ABCE1: variants seen among roughly 807,000 people sequenced by gnomAD.
ABCE1 encodes ATP binding cassette subfamily E member 1.
ABCE1 carries 22 observed loss-of-function variants against 83.4 expected under a neutral mutation model. The ratio of observed to expected loss-of-function variants is 0.26; its 90% CI spans 0.19 to 0.38. ABCE1 has a LOEUF of 0.38. ABCE1 is among the 10% of genes least tolerant of loss of function. The probability of loss-of-function intolerance (pLI) is 1.00; values close to 1 mark genes in which losing one functional copy is unlikely to be tolerated. For synonymous variants in ABCE1, 204 were observed against 233.7 expected, an observed-to-expected ratio of 0.87 and a Z score of 1.16; for missense variants, 330 against 721.9, an observed-to-expected ratio of 0.46 and a Z score of 6.22.
Position 145,128,827 on chromosome 4 carries a change from A to G in ABCE1, c.*1254A>G, listed in dbSNP as rs779169568. 14 of 152,220 alleles carry G rather than the reference A, an allele frequency of 9.2e-5. No individual in the cohort carries two copies. Among genetic ancestry groups the G allele is most frequent in the Non-Finnish European group, 1.6e-4 (11 of 68,026 alleles). The allele number at this position is 152,220 out of a possible 1,614,324, so 9.4% of individuals were successfully genotyped here. A position where few individuals can be genotyped will look rare whatever the true frequency, so the allele number is the denominator to read the frequency against. On this transcript the variant is annotated 3_prime_UTR_variant, in exon 18 of 18. Coordinates refer to ENST00000296577, the MANE Select transcript of ABCE1 (RefSeq NM_002940.3). The stretch of plus-strand genomic sequence containing the variant: ...CAGAAGTCTTGATTAATATGCAAAT[A>G]ATGGCTAGAAAGTATGGTTTAACTG...
Position 145,126,901 on chromosome 4 carries a change from A to C in ABCE1, c.1753-625A>C, listed in dbSNP as rs764296230. The stretch of plus-strand genomic sequence containing the variant: ...GTTAAGTTCTCACATAAAATTGAAG[A>C]GTTTTCTCAGTTTTGAAAAGCATAT... On this transcript the variant is annotated intron_variant, in intron 17 of 17. Transcript: ENST00000296577. Among the ~76,000 whole-genome samples the C allele has an allele frequency of 5.3e-5, 8 of 152,258 alleles. No individual in the cohort carries two copies. The East Asian group carries it at 1.5e-3, about 29-fold the overall frequency.
At chr4:145,104,820 ATAT>A (rs1342949215) in intron 2 of ABCE1, among the ~76,000 whole-genome samples, 2 of 151,282 alleles carry the variant, frequency 1.3e-5, no homozygotes, top group East Asian at 1.9e-4. Context: ...AATTACTTTA[ATAT>A]TATATATATA....
intron 1 of ABCE1, among the ~76,000 whole-genome samples, chr4:145,098,720 T>C (rs893418299): frequency 6.6e-6 from 1 of 151,992 alleles, no homozygotes; most frequent in Non-Finnish European, 1.5e-5. Flanking sequence ...TTTACCCCAC[T>C]CCCGCCCTGA....
At position 145,119,940 on chromosome 4, in the gene ABCE1, AT is replaced by A; in HGVS notation, c.938del (p.Leu313TrpfsTer10). On this transcript the variant is annotated frameshift_variant, in exon 11 of 18. Transcript: ENST00000296577. LOFTEE classifies it high-confidence loss of function. ...AATTTTCTTCCCAACAGGCATAAAC[AT>A]TTTTTTGGATGGCTATGTTCCAACA... ...MPFSVREGIN[I>X]FLDGYVPTEN... is the part of the protein sequence containing the mutation. The A allele has an allele frequency of 6.2e-7, 1 of 1,609,338 alleles. No individual in the cohort carries two copies. The highest frequency in any genetic ancestry group is 8.5e-7 in the Non-Finnish European group (1 of 1,178,234).
chr4:145,118,278 G>A (rs1275886148), intron 10 of ABCE1, among the ~76,000 whole-genome samples: 4 of 148,804 alleles, frequency 2.7e-5, no homozygotes, highest in Admixed American at 1.3e-4. Context: ...AATCTTGGAG[G>A]AATCTTTTTT....
chr4:145,126,928 G>A (rs1455545124), intron 17 of ABCE1, among the ~76,000 whole-genome samples: 1 of 151,984 alleles, frequency 6.6e-6, no homozygotes, highest in Non-Finnish European at 1.5e-5. Context: ...AAAGCATATT[G>A]GGTAGAAAAG....
chr4:145,111,355 G>A (rs541016169), intron 8 of ABCE1, among the ~76,000 whole-genome samples: 2 of 152,134 alleles, frequency 1.3e-5, no homozygotes, highest in East Asian at 1.9e-4. Context: ...ACGGAGTCTC[G>A]CTGTGTTGCC....
chr4:145,115,017 T>G (rs141540112), intron 9 of ABCE1, among the ~76,000 whole-genome samples: 58 of 152,008 alleles, frequency 3.8e-4, no homozygotes, highest in Non-Finnish European at 7.1e-4. Context: ...GAATAGAGAT[T>G]TAAGAAGTTT....
chr4:145,127,587 A>C lies in ABCE1; in HGVS notation c.*14A>C. The C allele has an allele frequency of 1.9e-6, 3 of 1,540,888 alleles. No homozygotes were observed. Among genetic ancestry groups the C allele is most frequent in the South Asian group, 2.6e-5 (2 of 78,198 alleles). On this transcript the variant is annotated 3_prime_UTR_variant, in exon 18 of 18. Transcript: ENST00000296577. ...TTGGATGATTAGACTGACTCTGAGA[A>C]TATTGATAAGCCATTTATTAAAAGG...
chr4:145,113,869 T>A (rs950600750), intron 9 of ABCE1, among the ~76,000 whole-genome samples: 22 of 152,080 alleles, frequency 1.4e-4, no homozygotes, highest in African/African-American at 4.6e-4. Flanking sequence ...CTTAGGAAGT[T>A]ACTAGAATAC....
Position 145,105,616 on chromosome 4 carries a change from A to G in ABCE1, c.115A>G (p.Ile39Val), listed in dbSNP as rs1434297450. ...CPVVRMGKLC[I>V]EVTPQSKIAW... ...TTTTCCTTTACCAGGAAAATTATGC[A>G]TAGAGGTTACACCCCAGAGCAAAAT... The change falls in exon 3 of 18, where the codon ATA becomes GTA. Residue 39 changes from isoleucine to valine, a missense_variant. Ile to Val is a conservative substitution (Grantham distance 29). Transcript: ENST00000296577. 6.3e-7 allele frequency: 1 copy of G among 1,599,254 alleles called. No homozygotes were observed. Among genetic ancestry groups the G allele is most frequent in the Non-Finnish European group, 8.5e-7 (1 of 1,170,356 alleles).
intron 16 of ABCE1, 128 bp downstream of exon 16, chr4:145,123,728 A>G (rs1201485159): frequency 1.3e-5 from 12 of 936,762 alleles, no homozygotes; most frequent in Non-Finnish European, 1.9e-5. Context: ...GACTCCTGAG[A>G]TCATTGGTAT....
At chr4:145,118,517 A>T (rs1414050379) in intron 10 of ABCE1, among the ~76,000 whole-genome samples, 2 of 151,774 alleles carry the variant, frequency 1.3e-5, no homozygotes, top group African/African-American at 4.8e-5. Context: ...ACATCAGAAC[A>T]AATTTATTAA....
At chr4:145,123,648 CAGTAAAT>C in intron 16 of ABCE1, 48 bp downstream of exon 16, 2 of 1,507,402 alleles carry the variant, frequency 1.3e-6, no homozygotes, top group Non-Finnish European at 9.0e-7. Context: ...TTAAATTTTC[CAGTAAAT>C]AGTAAAGTCA....
intron 1 of ABCE1, among the ~76,000 whole-genome samples, chr4:145,099,321 T>C (rs540612649): frequency 1.3e-5 from 2 of 152,310 alleles, no homozygotes; most frequent in Non-Finnish European, 2.9e-5. Context: ...TTTATTTTTT[T>C]ACTCTTTCCC....
chr4:145,108,266 T>C (rs1749361933), intron 4 of ABCE1, among the ~76,000 whole-genome samples, 154 bp downstream of exon 4: 1 of 152,214 alleles, frequency 6.6e-6, no homozygotes, highest in Non-Finnish European at 1.5e-5. Flanking sequence ...ATACTGCATA[T>C]GTCTGTGGTT....
At chr4:145,118,275 G>C (rs1193402227) in intron 10 of ABCE1, among the ~76,000 whole-genome samples, 1 of 148,852 alleles carries the variant, frequency 6.7e-6, no homozygotes, top group Admixed American at 6.7e-5. Context: ...TTTAATCTTG[G>C]AGGAATCTTT....
intron 9 of ABCE1, among the ~76,000 whole-genome samples, chr4:145,113,113 C>G (rs1049502857): frequency 1.3e-5 from 2 of 152,120 alleles, no homozygotes; most frequent in African/African-American, 4.8e-5. Context: ...GTAATAGGAC[C>G]AGATGTTGAT....
chr4:145,106,204 T>G (rs1749297748), intron 3 of ABCE1, among the ~76,000 whole-genome samples: 1 of 151,974 alleles, frequency 6.6e-6, no homozygotes, highest in Admixed American at 6.6e-5. Flanking sequence ...ATTTCCAACT[T>G]TAGTTCATAA....
Sources: allele counts gnomAD v4.1 joint callset (sites outside exome capture counted in the v4.1 genomes callset), GRCh38; gene constraint gnomAD v4.1.1; transcripts MANE v1.5; gene names NCBI Gene and HGNC (gene_info 2026-07-23, HGNC 2026-07-21).